ADAMTS17: variants seen among roughly 807,000 people sequenced by gnomAD.
ADAMTS17 encodes A disintegrin and metalloproteinase with thrombospondin motifs 17.
In ADAMTS17, 113 loss-of-function variants were observed where a neutral mutation model predicts 141.5. The observed-to-expected ratio is 0.80, with a 90% CI of 0.69 to 0.93. The LOEUF is 0.93. Ranked by LOEUF, ADAMTS17 falls within the 40% of genes least tolerant of loss-of-function variation. ADAMTS17 has a pLI of 0.00. For missense variants in ADAMTS17, 1,659 were observed against 1,517.9 expected, an observed-to-expected ratio of 1.09 and a Z score of -1.54; for synonymous variants, 768 against 630.6, an observed-to-expected ratio of 1.22 and a Z score of -3.27.
chr15:100,014,860 A>G (rs2061256517), intron 18 of ADAMTS17, among the ~76,000 whole-genome samples: 1 of 152,226 alleles, frequency 6.6e-6, no homozygotes, highest in Non-Finnish European at 1.5e-5. Flanking sequence ...AATCTTCTGT[A>G]TATATCTTTT....
At chr15:100,090,138 T>G (rs2035363930) in intron 15 of ADAMTS17, among the ~76,000 whole-genome samples, 1 of 152,150 alleles carries the variant, frequency 6.6e-6, no homozygotes, top group African/African-American at 2.4e-5. Context: ...AGCAAATCTC[T>G]CTTAGAGAAA....
At chr15:100,176,620 T>C (rs2040347877) in intron 8 of ADAMTS17, among the ~76,000 whole-genome samples, 1 of 152,222 alleles carries the variant, frequency 6.6e-6, no homozygotes, top group Admixed American at 6.5e-5. Context: ...TCCACAAAAC[T>C]TGTTCTGATT....
intron 8 of ADAMTS17, among the ~76,000 whole-genome samples, chr15:100,163,428 CATT>C (rs999530318): frequency 2.0e-4 from 30 of 150,316 alleles, no homozygotes; most frequent in Non-Finnish European, 2.4e-4. Flanking sequence ...TCATGATCCA[CATT>C]TTTTTTTATA....
intron 20 of ADAMTS17, among the ~76,000 whole-genome samples, chr15:99,987,402 C>T (rs1025882531): frequency 1.3e-5 from 2 of 152,236 alleles, no homozygotes; most frequent in Non-Finnish European, 2.9e-5. Flanking sequence ...TCCACAACTA[C>T]AGTGATACAC....
intron 14 of ADAMTS17, among the ~76,000 whole-genome samples, chr15:100,097,936 A>G (rs1483507095): frequency 1.3e-5 from 2 of 152,250 alleles, no homozygotes; most frequent in African/African-American, 4.8e-5. Flanking sequence ...AAATGATAGC[A>G]TAACTGGACA....
intron 10 of ADAMTS17, among the ~76,000 whole-genome samples, chr15:100,133,739 G>A (rs2038180592): frequency 1.3e-5 from 2 of 152,176 alleles, no homozygotes. Flanking sequence ...CTTGCTGGAA[G>A]AGGCAACTCT....
chr15:100,085,598 G>T (rs1373321326), intron 15 of ADAMTS17, among the ~76,000 whole-genome samples: 1 of 151,984 alleles, frequency 6.6e-6, no homozygotes, highest in Non-Finnish European at 1.5e-5. Context: ...AGAGAGAAAG[G>T]TCGGGTTACC....
At chr15:100,011,115 T>A (rs1346492679) in intron 18 of ADAMTS17, among the ~76,000 whole-genome samples, 1 of 151,006 alleles carries the variant, frequency 6.6e-6, no homozygotes, top group Non-Finnish European at 1.5e-5. Context: ...AAATCCTGTA[T>A]AAAAAACACT....
intron 8 of ADAMTS17, among the ~76,000 whole-genome samples, chr15:100,164,951 T>C (rs768913205): frequency 1.3e-5 from 2 of 152,160 alleles, no homozygotes; most frequent in Non-Finnish European, 2.9e-5. Flanking sequence ...TTGCTCTCCA[T>C]AGGAAGGGGA....
intron 18 of ADAMTS17, among the ~76,000 whole-genome samples, chr15:100,016,609 C>T (rs775443128): frequency 2.0e-5 from 3 of 152,120 alleles, no homozygotes. Context: ...TTCCTGTGAG[C>T]CGAACTGAAG....
intron 10 of ADAMTS17, among the ~76,000 whole-genome samples, chr15:100,140,975 C>G (rs2038616721): frequency 6.6e-6 from 1 of 152,158 alleles, no homozygotes; most frequent in Admixed American, 6.5e-5. Context: ...GGGCGGCTGC[C>G]CAGGCCAAAT....
chr15:100,116,668 G>A (rs1210050157), intron 13 of ADAMTS17, among the ~76,000 whole-genome samples, 179 bp downstream of exon 13: 2 of 152,262 alleles, frequency 1.3e-5, no homozygotes, highest in African/African-American at 4.8e-5. Flanking sequence ...AGAGAGCTGG[G>A]TCATTCAAGG....
At chr15:100,135,178 T>C (rs907002766) in intron 10 of ADAMTS17, among the ~76,000 whole-genome samples, 11 of 151,620 alleles carry the variant, frequency 7.3e-5, no homozygotes, top group African/African-American at 2.4e-4. Context: ...TTTCTAACCA[T>C]CAAAGAAAAG....
At chr15:100,064,148 A>G (rs113695250) in intron 15 of ADAMTS17, among the ~76,000 whole-genome samples, 6 of 152,322 alleles carry the variant, frequency 3.9e-5, no homozygotes, top group Non-Finnish European at 7.3e-5. Flanking sequence ...AGACATGCAC[A>G]TAGGGAGAAT....
chr15:100,063,622 G>C, intron 15 of ADAMTS17: 2 of 1,274,276 alleles, frequency 1.6e-6, no homozygotes, highest in South Asian at 1.2e-5. Flanking sequence ...TTACCAGACT[G>C]ATCATCAAAA....
At chr15:100,155,377 C>G in intron 8 of ADAMTS17, 57 bp from the exon 9 acceptor site, 1 of 1,587,036 alleles carries the variant, frequency 6.3e-7, no homozygotes, top group Non-Finnish European at 8.6e-7. Context: ...ATTTCCAGTT[C>G]CTGGTGCTAG....
intron 18 of ADAMTS17, among the ~76,000 whole-genome samples, chr15:100,028,812 A>G (rs1452393296): frequency 1.3e-5 from 2 of 152,094 alleles, no homozygotes; most frequent in Non-Finnish European, 1.5e-5. Context: ...GCTTTCTTCT[A>G]CCTTTGCCTT....
chr15:100,331,563 CAG>C (rs1408882603), intron 2 of ADAMTS17, among the ~76,000 whole-genome samples: 3 of 152,060 alleles, frequency 2.0e-5, no homozygotes, highest in Non-Finnish European at 4.4e-5. Flanking sequence ...CCTTCTTATG[CAG>C]AGTCAAAATG....
chr15:100,238,618 C>A (rs1168637945), intron 7 of ADAMTS17, among the ~76,000 whole-genome samples: 2 of 152,194 alleles, frequency 1.3e-5, no homozygotes, highest in African/African-American at 4.8e-5. Flanking sequence ...TGAATGGGCA[C>A]AGGTCTGGCA....
Sources: allele counts gnomAD v4.1 joint callset (sites outside exome capture counted in the v4.1 genomes callset), GRCh38; gene constraint gnomAD v4.1.1; transcripts MANE v1.5; gene names NCBI Gene and HGNC (gene_info 2026-07-23, HGNC 2026-07-21).